Variants in NAALADL2 observed in about 807,000 individuals in gnomAD.
NAALADL2 encodes the protein N-acetylated alpha-linked acidic dipeptidase like 2.
A neutral mutation model predicts 87.2 loss-of-function variants in NAALADL2; 76 were observed. The observed-to-expected ratio is 0.87, with a 90% CI of 0.72 to 1.05. NAALADL2 has a LOEUF of 1.05. Ranked by LOEUF, NAALADL2 falls within the 50% of genes least tolerant of loss-of-function variation. The probability of loss-of-function intolerance (pLI) is 0.00; values close to 1 mark genes in which losing one functional copy is unlikely to be tolerated. For synonymous variants in NAALADL2, 354 were observed against 331.0 expected (o/e 1.07, Z -0.75); for missense variants, 1,089 against 945.8 (o/e 1.15, Z -1.99).
chr3:174,787,688 TAAAGA>T (rs1716980565), intron 3 of NAALADL2, among the ~76,000 whole-genome samples: 2 of 142,282 alleles, frequency 1.4e-5, no homozygotes, highest in African/African-American at 2.6e-5. Context: ...CTTTTTGAAA[TAAAGA>T]AAAGAGAAGT....
chr3:175,703,994 G>A (rs1739331418), intron 11 of NAALADL2, among the ~76,000 whole-genome samples: 1 of 152,046 alleles, frequency 6.6e-6, no homozygotes, highest in African/African-American at 2.4e-5. Context: ...TGTTGTAACT[G>A]AAAAATCAAA....
intron 2 of NAALADL2, among the ~76,000 whole-genome samples, chr3:174,600,382 T>A (rs1718322164): frequency 6.6e-6 from 1 of 152,126 alleles, no homozygotes; most frequent in Admixed American, 6.6e-5. Context: ...GCCAAATTAC[T>A]GTTTACAATA....
At position 175,069,252 on chromosome 3, in the gene NAALADL2, A is replaced by T. The variant is rs570710840; in HGVS notation, c.44-27538A>T. The stretch of plus-strand genomic sequence containing the variant: ...CTACAAAATGGGAGAAAATTTTCGC[A>T]ACCTACTCATCTGACAAAGGGCTAA... On this transcript the variant is annotated intron_variant, in intron 1 of 13. Transcript: ENST00000454872. 1.9e-3 allele frequency among the ~76,000 whole-genome samples: 289 copies of T among 149,976 alleles called. 1 individual carries two copies. Among genetic ancestry groups the T allele is most frequent in the Non-Finnish European group, 3.1e-3 (212 of 67,890 alleles).
chr3:175,579,523 A>G (rs1226352182), intron 10 of NAALADL2, among the ~76,000 whole-genome samples: 1 of 152,184 alleles, frequency 6.6e-6, no homozygotes, highest in Non-Finnish European at 1.5e-5. Context: ...TAATTTTCCA[A>G]TAATTAACTT....
intron 2 of NAALADL2, among the ~76,000 whole-genome samples, chr3:174,586,662 C>T (rs1472288430): frequency 6.6e-6 from 1 of 152,136 alleles, no homozygotes; most frequent in Non-Finnish European, 1.5e-5. Context: ...TGGGTTGGGC[C>T]AGGGGCTCAC....
In NAALADL2 at chr3:175,671,824, A is replaced by T. The variant is rs180899765; in HGVS notation, c.1896+44438A>T. 1.9e-3 allele frequency among the ~76,000 whole-genome samples: 282 copies of T among 152,116 alleles called. 3 individuals carry two copies. Among genetic ancestry groups the T allele is most frequent in the Non-Finnish European group, 2.6e-3 (176 of 67,930 alleles). ...TAATGGAAATAATGTTACTATTTTT[A>T]AAAAAAATTTTTCTTACATTTTCCA... is the stretch of plus-strand genomic sequence containing the variant. On this transcript the variant is annotated intron_variant, in intron 11 of 13. Transcript: ENST00000454872.
chr3:174,911,021 T>G (rs530407353), intron 1 of NAALADL2, among the ~76,000 whole-genome samples: 26 of 152,148 alleles, frequency 1.7e-4, no homozygotes, highest in Non-Finnish European at 2.9e-4. Context: ...CCACCTTACC[T>G]GGCACACCGA....
chr3:175,670,359 C>CT (rs1312224284), intron 11 of NAALADL2, among the ~76,000 whole-genome samples: 1 of 147,766 alleles, frequency 6.8e-6, no homozygotes, highest in Non-Finnish European at 1.5e-5. Flanking sequence ...TTTCACTTTA[C>CT]TTTTTGTATT....
At chr3:175,074,432 C>G (rs1716217712) in intron 1 of NAALADL2, among the ~76,000 whole-genome samples, 1 of 151,992 alleles carries the variant, frequency 6.6e-6, no homozygotes, top group Non-Finnish European at 1.5e-5. Context: ...ATCTAGCATC[C>G]TGGGTACTAC....
chr3:174,528,291 G>T (rs1041970767), intron 1 of NAALADL2, among the ~76,000 whole-genome samples: 10 of 152,058 alleles, frequency 6.6e-5, no homozygotes, highest in Non-Finnish European at 1.5e-4. Flanking sequence ...TTCATAGTGT[G>T]CATAGCATTA....
chr3:175,137,409 G>A (rs1312894716), intron 2 of NAALADL2, among the ~76,000 whole-genome samples: 1 of 151,604 alleles, frequency 6.6e-6, no homozygotes, highest in Non-Finnish European at 1.5e-5. Context: ...ATTTATAATG[G>A]CTGCATGCTA....
rs1553883992 is a variant in NAALADL2, at chr3:175,398,348, T to TGG, written c.1091-48881_1091-48880insGG. ...TAATTAGTGATGCTTCTGCTACTTT[T>TGG]TTTTTTTTTTTTTTTTTTCCATCCT... On this transcript the variant is annotated intron_variant, in intron 5 of 13. Transcript: ENST00000454872. 4.9e-5 allele frequency among the ~76,000 whole-genome samples: 4 copies of TGG among 81,680 alleles called. No individual in the cohort carries two copies. The East Asian group carries it at 2.6e-3, about 53-fold the overall frequency. 53.6% of individuals were successfully genotyped at this position (81,680 alleles called of 152,430 possible).
chr3:174,455,670 AC>A (rs752980223), intron 1 of NAALADL2, among the ~76,000 whole-genome samples: 1 of 152,166 alleles, frequency 6.6e-6, no homozygotes, highest in Non-Finnish European at 1.5e-5. Context: ...AAAATTCAAC[AC>A]CCCTTCATGT....
At chr3:175,052,203 G>A (rs1156834106) in intron 1 of NAALADL2, among the ~76,000 whole-genome samples, 1 of 152,236 alleles carries the variant, frequency 6.6e-6, no homozygotes, top group African/African-American at 2.4e-5. Context: ...GCTATTGTTT[G>A]TGGTTTAAGA....
intron 4 of NAALADL2, among the ~76,000 whole-genome samples, chr3:175,274,450 T>C (rs1753292634): frequency 6.6e-6 from 1 of 152,210 alleles, no homozygotes; most frequent in South Asian, 2.1e-4. Flanking sequence ...AACTTTAATG[T>C]CAGTCAACTA....
chr3:174,677,402 T>C (rs1381572394), intron 2 of NAALADL2, among the ~76,000 whole-genome samples: 1 of 152,072 alleles, frequency 6.6e-6, no homozygotes, highest in Non-Finnish European at 1.5e-5. Context: ...GAATATACGA[T>C]TATTGAGTTA....
chr3:174,542,055 A>T (rs2108468661), intron 1 of NAALADL2, among the ~76,000 whole-genome samples: 1 of 152,242 alleles, frequency 6.6e-6, no homozygotes, highest in East Asian at 1.9e-4. Context: ...AAATTAAGGG[A>T]TGGGTTATTC....
At chr3:175,582,371 A>G (rs1297786809) in intron 10 of NAALADL2, among the ~76,000 whole-genome samples, 2 of 152,234 alleles carry the variant, frequency 1.3e-5, no homozygotes, top group Non-Finnish European at 2.9e-5. Context: ...TCTAAATAAG[A>G]ATATTTATTC....
intron 1 of NAALADL2, among the ~76,000 whole-genome samples, chr3:174,486,079 C>T (rs1179501288): frequency 6.6e-6 from 1 of 152,022 alleles, no homozygotes; most frequent in Non-Finnish European, 1.5e-5. Context: ...CAGTTCCTCC[C>T]ACTTCCTCTT....
Sources: allele counts gnomAD v4.1 joint callset (sites outside exome capture counted in the v4.1 genomes callset), GRCh38; gene constraint gnomAD v4.1.1; transcripts MANE v1.5; gene names NCBI Gene and HGNC (gene_info 2026-07-23, HGNC 2026-07-21).